PLEKHM3: variants seen among roughly 807,000 people sequenced by gnomAD.
PLEKHM3 encodes pleckstrin homology domain containing M3, also known as pleckstrin homology domain-containing family M member 3.
A neutral mutation model predicts 81.8 loss-of-function variants in PLEKHM3; 45 were observed. That is an observed-to-expected ratio of 0.55 (90% CI 0.43 to 0.71). The LOEUF (loss-of-function observed/expected upper bound fraction) is 0.71. PLEKHM3 is among the 30% of genes least tolerant of loss of function. The pLI, the probability that PLEKHM3 is intolerant of heterozygous loss-of-function variation, is 0.00. For synonymous variants in PLEKHM3, 352 were observed against 356.4 expected (o/e 0.99, Z 0.14); for missense variants, 788 against 924.3 (o/e 0.85, Z 1.91).
Position 207,904,891 on chromosome 2 carries a change from A to G in PLEKHM3, c.1950+3623T>C, listed in dbSNP as rs193264118. Among the ~76,000 whole-genome samples, 54 of 152,264 alleles carry G rather than the reference A, an allele frequency of 3.5e-4. 1 individual carries two copies. The East Asian group carries it at 9.5e-3, about 27-fold the overall frequency. On this transcript the variant is annotated intron_variant, in intron 6 of 7. Transcript: ENST00000427836. ...CCAGACAGAGGACAATAAGATTGCA[A>G]TTTTTTTGGTACCAGAATTCTTTCA...
intron 3 of PLEKHM3, among the ~76,000 whole-genome samples, chr2:207,951,076 C>A (rs1690312940): frequency 6.6e-6 from 1 of 152,292 alleles, no homozygotes; most frequent in Non-Finnish European, 1.5e-5. Flanking sequence ...TGCAAGATTT[C>A]CTTTACTATC....
At chr2:207,845,249 A>G (rs1053106205) in intron 7 of PLEKHM3, among the ~76,000 whole-genome samples, 1 of 152,252 alleles carries the variant, frequency 6.6e-6, no homozygotes, top group Non-Finnish European at 1.5e-5. Flanking sequence ...TAGTTGTATG[A>G]AAGAAGTCTT....
chr2:208,013,356 A>G (rs1692764496), intron 1 of PLEKHM3, among the ~76,000 whole-genome samples: 1 of 151,474 alleles, frequency 6.6e-6, no homozygotes, highest in African/African-American at 2.4e-5. Context: ...TCTCTACTAA[A>G]AATATAAAAA....
intron 1 of PLEKHM3, among the ~76,000 whole-genome samples, chr2:208,011,711 G>T (rs1574490587): frequency 7.1e-6 from 1 of 141,406 alleles, no homozygotes; most frequent in Non-Finnish European, 1.5e-5. Context: ...CACCACTAAA[G>T]AACTTAGTAA....
chr2:207,970,397 C>G (rs964440313), intron 3 of PLEKHM3, among the ~76,000 whole-genome samples: 1 of 151,792 alleles, frequency 6.6e-6, no homozygotes, highest in Non-Finnish European at 1.5e-5. Context: ...TTAGCCCAGG[C>G]AGCAGGGGTC....
At chr2:208,008,431 C>G (rs1692570378) in intron 1 of PLEKHM3, among the ~76,000 whole-genome samples, 1 of 130,012 alleles carries the variant, frequency 7.7e-6, no homozygotes, top group Non-Finnish European at 1.5e-5. Flanking sequence ...ACTATATACA[C>G]AGTTTGGGCA....
chr2:207,894,631 G>C (rs1171455310), intron 6 of PLEKHM3, among the ~76,000 whole-genome samples: 1 of 152,188 alleles, frequency 6.6e-6, no homozygotes, highest in Admixed American at 6.5e-5. Flanking sequence ...TCTAGAAATA[G>C]AGAATGTGAG....
intron 3 of PLEKHM3, among the ~76,000 whole-genome samples, chr2:207,960,088 G>A (rs558375627): frequency 3.3e-5 from 5 of 152,314 alleles, no homozygotes; most frequent in African/African-American, 1.2e-4. Context: ...AGACACAAGT[G>A]GAAAACTCCT....
rs529842609 is a variant in PLEKHM3 at position 207,835,712 on chromosome 2, G to A, written c.2109-7216C>T. On this transcript the variant is annotated intron_variant, in intron 7 of 7. Coordinates refer to ENST00000427836, the MANE Select transcript of PLEKHM3 (RefSeq NM_001080475.3). ...TAGCTTATATGAACTAGTATATATAGCTCTGACTCAGGAATTTGGCCAAAA... is the reference window on the plus strand; with the variant it reads ...TAGCTTATATGAACTAGTATATATAACTCTGACTCAGGAATTTGGCCAAAA... Among the ~76,000 whole-genome samples the A allele has an allele frequency of 3.9e-5, 6 of 152,202 alleles. No individual in the cohort carries two copies. In the East Asian group the frequency reaches 1.2e-3, roughly 29 times the overall value.
chr2:207,987,665 T>C (rs60304319), intron 2 of PLEKHM3, among the ~76,000 whole-genome samples: 6,472 of 152,234 alleles, frequency 0.043, 454 homozygotes, highest in African/African-American at 0.15. Flanking sequence ...ACAAATTCTG[T>C]CTTCCACAAC....
chr2:207,878,608 AAAAC>A (rs1212106867), intron 6 of PLEKHM3, among the ~76,000 whole-genome samples: 3 of 152,316 alleles, frequency 2.0e-5, no homozygotes, highest in East Asian at 3.9e-4. Flanking sequence ...AACTGTCTCA[AAAAC>A]AAACAAACAA....
At chr2:207,993,240 T>C (rs1386290213) in intron 2 of PLEKHM3, among the ~76,000 whole-genome samples, 5 of 152,186 alleles carry the variant, frequency 3.3e-5, no homozygotes, top group Non-Finnish European at 7.3e-5. Context: ...TCCAAATAGC[T>C]GCCACAGGCC....
intron 5 of PLEKHM3, among the ~76,000 whole-genome samples, chr2:207,919,682 G>C (rs1458713223): frequency 6.6e-6 from 1 of 152,182 alleles, no homozygotes; most frequent in Non-Finnish European, 1.5e-5. Flanking sequence ...TTTGCAATGT[G>C]AGTGGGCGTG....
At chr2:207,874,600 TC>T (rs200120409) in intron 6 of PLEKHM3, among the ~76,000 whole-genome samples, 1,833 of 151,764 alleles carry the variant, frequency 0.012, 37 homozygotes, top group African/African-American at 0.042. Flanking sequence ...AACTGTATTT[TC>T]TTTTTTTTGA....
chr2:208,024,951 C>T (rs1693277691), intron 1 of PLEKHM3, among the ~76,000 whole-genome samples: 1 of 152,202 alleles, frequency 6.6e-6, no homozygotes, highest in Non-Finnish European at 1.5e-5. Context: ...CCAAACCATG[C>T]TTGTCATCAG....
chr2:207,856,659 C>A lies in PLEKHM3; in HGVS notation c.2108+4446G>T, dbSNP rs80310611. ...GCCTGACAGCTCACTTCTTTTGTGG[C>A]TGAATAATATTCCGTTGTATGGATA... is the stretch of plus-strand genomic sequence containing the variant. On this transcript the variant is annotated intron_variant, in intron 7 of 7. Coordinates refer to ENST00000427836, the MANE Select transcript of PLEKHM3 (RefSeq NM_001080475.3). Among the ~76,000 whole-genome samples, 11 of 152,270 alleles carry A rather than the reference C, an allele frequency of 7.2e-5. No homozygotes were observed. The East Asian group carries it at 1.9e-3, about 27-fold the overall frequency.
chr2:207,847,062 T>C (rs147692101), intron 7 of PLEKHM3, among the ~76,000 whole-genome samples: 2,006 of 152,286 alleles, frequency 0.013, 41 homozygotes, highest in African/African-American at 0.045. Flanking sequence ...AGATGATCAA[T>C]ACAATATTAA....
Position 207,977,143 on chromosome 2 carries a change from C to T in PLEKHM3, c.1054G>A (p.Val352Ile), listed in dbSNP as rs770219085. The T allele has an allele frequency of 1.9e-6, 3 of 1,614,086 alleles. No homozygotes were observed. Among genetic ancestry groups the T allele is most frequent in the South Asian group, 1.1e-5 (1 of 91,092 alleles). The change falls in exon 3 of 8, where the codon GTC becomes ATC. Residue 352 changes from valine to isoleucine, a missense_variant. Coordinates refer to ENST00000427836, the MANE Select transcript of PLEKHM3 (RefSeq NM_001080475.3). ...KTSGLLPPSP[V>I]LDSSKQYQNI... Reference sequence around the variant, plus strand: ...TGGTACTGTTTGGAGCTGTCCAGGACAGGGGACGGTGGCAGCAGCCCACTG... The same window carrying T: ...TGGTACTGTTTGGAGCTGTCCAGGATAGGGGACGGTGGCAGCAGCCCACTG...
intron 6 of PLEKHM3, among the ~76,000 whole-genome samples, chr2:207,878,042 G>A (rs182262571): frequency 9.9e-5 from 15 of 152,054 alleles, no homozygotes; most frequent in South Asian, 2.1e-4. Flanking sequence ...GGGCTCAAAC[G>A]ATCTTCCCAC....
Sources: gnomAD v4.1 joint callset for allele counts (sites outside exome capture counted in the v4.1 genomes callset) on GRCh38, gnomAD v4.1.1 for gene constraint, MANE v1.5 for transcripts, NCBI Gene and HGNC (gene_info 2026-07-23, HGNC 2026-07-21) for gene names.